The following EIF2AK1 variants were observed in gnomAD, a reference collection of about 807,000 sequenced individuals.
EIF2AK1 encodes eukaryotic translation initiation factor 2-alpha kinase 1.
EIF2AK1 carries 54 observed loss-of-function variants against 77.9 expected under a neutral mutation model. The ratio of observed to expected loss-of-function variants is 0.69; its 90% confidence interval spans 0.56 to 0.87. The LOEUF (loss-of-function observed/expected upper bound fraction) is 0.87, where lower values mean the gene tolerates loss of function less well. EIF2AK1 is among the 40% of genes least tolerant of loss of function. The pLI, the probability that EIF2AK1 is intolerant of heterozygous loss-of-function variation, is 0.00. For synonymous variants in EIF2AK1, 314 were observed against 290.5 expected (o/e 1.08, Z -0.82); for missense variants, 810 against 768.6 (o/e 1.05, Z -0.64).
intron 1 of EIF2AK1, among the ~76,000 whole-genome samples, chr7:6,056,286 C>G (rs1211678594): frequency 2.4e-5 from 2 of 82,056 alleles, no homozygotes; most frequent in Non-Finnish European, 4.5e-5. Flanking sequence ...GTGTGAGACT[C>G]AGTCTCAAAA....
At chr7:6,052,856 G>A (rs1312522962) in intron 2 of EIF2AK1, among the ~76,000 whole-genome samples, 5 of 152,110 alleles carry the variant, frequency 3.3e-5, no homozygotes, top group East Asian at 1.9e-4. Flanking sequence ...CCAGCTACTC[G>A]GGAGGGTGAG....
At chr7:6,030,762 G>T (rs956607234) in intron 11 of EIF2AK1, among the ~76,000 whole-genome samples, 1 of 152,180 alleles carries the variant, frequency 6.6e-6, no homozygotes, top group Non-Finnish European at 1.5e-5. Flanking sequence ...CTCTCAAAGT[G>T]CTGGGATTAC....
In EIF2AK1 at chr7:6,032,175, C is replaced by T. The variant is rs1787931578; in HGVS notation, c.1333-3143G>A. ...TGGATGACAGAGCAAGACTCCATCT[C>T]AAACAAACAAACAAAAAATAGTTTT... On this transcript the variant is annotated intron_variant, in intron 11 of 14. Transcript: ENST00000199389. This position sits in a 1 kb window ranked among gnomAD's most constrained non-coding sequence, Gnocchi z 4.3. Among the ~76,000 whole-genome samples the T allele has an allele frequency of 6.6e-6, 1 of 152,116 alleles. No individual in the cohort carries two copies. The highest frequency in any genetic ancestry group is 1.5e-5 in the Non-Finnish European group (1 of 68,022).
At chr7:6,046,439 T>C (rs889714786) in intron 5 of EIF2AK1, 2 of 199,778 alleles carry the variant, frequency 1.0e-5, no homozygotes, top group African/African-American at 4.6e-5. Flanking sequence ...ACACATTTTT[T>C]AATTAAAATT....
chr7:6,041,682 A>G (rs1206227964), intron 8 of EIF2AK1, among the ~76,000 whole-genome samples: 1 of 152,078 alleles, frequency 6.6e-6, no homozygotes, highest in Admixed American at 6.6e-5. Flanking sequence ...TCTACTAAAA[A>G]ATACAAAAAT....
In EIF2AK1 at chr7:6,024,313, G is replaced by A; in HGVS notation, c.*360C>T. On this transcript the variant is annotated 3_prime_UTR_variant, in exon 15 of 15. Transcript: ENST00000199389. ...GCTGTCAAAACTGGAACAGTCCAGT[G>A]AGTATGTGCAGGCCCGGGCTTGGGC... 1 of 1,219,390 alleles carries A rather than the reference G, an allele frequency of 8.2e-7. No individual in the cohort carries two copies. The highest frequency in any genetic ancestry group is 1.0e-6 in the Non-Finnish European group (1 of 963,530). 75.5% of individuals were successfully genotyped at this position (1,219,390 alleles called of 1,614,324 possible).
chr7:6,024,371 T>A lies in EIF2AK1; in HGVS notation c.*302A>T, dbSNP rs1787677384. ...AGGGCAGGGAGCACACATCAATTTC[T>A]GCGGTACCTTCTAGAGGAAGACCAG... On this transcript the variant is annotated 3_prime_UTR_variant, in exon 15 of 15. Coordinates refer to ENST00000199389, the MANE Select transcript of EIF2AK1 (RefSeq NM_014413.4). 8.9e-7 allele frequency: 1 copy of A among 1,129,618 alleles called. No homozygotes were observed. The highest frequency in any genetic ancestry group is 5.8e-5 in the East Asian group (1 of 17,138). 70.0% of individuals were successfully genotyped at this position (1,129,618 alleles called of 1,614,324 possible). A position where few individuals can be genotyped will look rare whatever the true frequency, so the allele number is the denominator to read the frequency against.
At position 6,023,337 on chromosome 7, in the gene EIF2AK1, G is replaced by A. The variant is rs991294520; in HGVS notation, c.*1336C>T. On this transcript the variant is annotated 3_prime_UTR_variant, in exon 15 of 15. Coordinates refer to ENST00000199389, the MANE Select transcript of EIF2AK1 (RefSeq NM_014413.4). ...CGCAGATGAAATTCAGCATCCAGAC[G>A]ATGTGCCCCATCGAAGGCGAAGGGA... The A allele has an allele frequency of 3.1e-6, 5 of 1,609,216 alleles. No individual in the cohort carries two copies. The highest frequency in any genetic ancestry group is 3.4e-5 in the Admixed American group (2 of 58,678).
chr7:6,044,539 C>T (rs752340718), intron 7 of EIF2AK1, 23 bp downstream of exon 7: 24 of 1,604,146 alleles, frequency 1.5e-5, no homozygotes, highest in Non-Finnish European at 2.0e-5. Context: ...GCTTCAACTA[C>T]CATACCATCA....
At chr7:6,028,350 C>G (rs1431540005) in intron 13 of EIF2AK1, among the ~76,000 whole-genome samples, 2 of 151,786 alleles carry the variant, frequency 1.3e-5, no homozygotes, top group Admixed American at 6.6e-5. Context: ...CTCCCAGATT[C>G]AAATGATTCT....
At chr7:6,024,951 G>T in intron 14 of EIF2AK1, 150 bp from the exon 15 acceptor site, 1 of 522,128 alleles carries the variant, frequency 1.9e-6, no homozygotes, top group South Asian at 3.8e-5. Flanking sequence ...CTATTCTCGT[G>T]CCTCAGCCAC....
chr7:6,058,183 G>A, intron 1 of EIF2AK1: 1 of 455,532 alleles, frequency 2.2e-6, no homozygotes, highest in Non-Finnish European at 4.4e-6. Flanking sequence ...GCCGAGGCGG[G>A]AGAATCGCTT....
rs1787686610 is a variant in EIF2AK1 at position 6,024,675 on chromosome 7, A to C, written c.1891T>G (p.Ter631GlyextTer4). ...TACCTTAAAAGTTAAGTCCACTTTC[A>C]TCCCACGCCCCCATCCTTTCCGTCA... ...RDDGKDGGVG[*>G] is the part of the protein sequence containing the mutation. Residue 631 changes from the stop codon to glycine (G), a stop_lost, in exon 15 of 15, where the codon TGA becomes GGA. Transcript: ENST00000199389. The C allele has an allele frequency of 1.3e-5, 21 of 1,613,732 alleles. No individual in the cohort carries two copies. Among genetic ancestry groups the C allele is most frequent in the Non-Finnish European group, 1.7e-5 (20 of 1,179,930 alleles).
chr7:6,029,136 C>A, intron 11 of EIF2AK1, 104 bp from the exon 12 acceptor site: 1 of 950,064 alleles, frequency 1.1e-6, no homozygotes, highest in East Asian at 2.7e-5. Context: ...AGCAGCCCCT[C>A]AAAAGTTAAA....
chr7:6,053,590 C>T (rs1244789445), intron 2 of EIF2AK1, among the ~76,000 whole-genome samples: 2 of 151,182 alleles, frequency 1.3e-5, no homozygotes, highest in African/African-American at 2.4e-5. Context: ...GTCTCGATCT[C>T]TTGACCTCAT....
At chr7:6,054,820 C>A in intron 1 of EIF2AK1, 116 bp from the exon 2 acceptor site, 1 of 1,091,174 alleles carries the variant, frequency 9.2e-7, no homozygotes, top group Non-Finnish European at 1.3e-6. Flanking sequence ...AGATAAAAAC[C>A]AAAAGAATAG....
intron 2 of EIF2AK1, among the ~76,000 whole-genome samples, chr7:6,050,822 C>A (rs1024102301): frequency 6.6e-6 from 1 of 151,800 alleles, no homozygotes; most frequent in Non-Finnish European, 1.5e-5. Flanking sequence ...CCAGGATGGT[C>A]TCGATCTCCT....
In EIF2AK1 at chr7:6,035,676, G is replaced by A. The variant is rs990700529; in HGVS notation, c.1332+1748C>T. Reference sequence around the variant, plus strand: ...GGCCATAGCATATGGTTGCTATCCAGTTCTCTCCATTTTGACCCAAAATGG... The same window carrying A: ...GGCCATAGCATATGGTTGCTATCCAATTCTCTCCATTTTGACCCAAAATGG... On this transcript the variant is annotated intron_variant, in intron 11 of 14. Transcript: ENST00000199389. The surrounding 1 kb of genome is among the most constrained non-coding windows in gnomAD (Gnocchi z 5.5). 1.3e-6 allele frequency: 2 copies of A among 1,550,466 alleles called. No individual in the cohort carries two copies. The highest frequency in any genetic ancestry group is 1.4e-5 in the African/African-American group (1 of 73,010).
At chr7:6,047,917 C>T (rs984419034) in intron 4 of EIF2AK1, 6 of 152,242 alleles carry the variant, frequency 3.9e-5, no homozygotes, top group Non-Finnish European at 5.9e-5. Context: ...TTAATGTGGA[C>T]ACCAGACTGG....
Sources: allele counts gnomAD v4.1 joint callset (sites outside exome capture counted in the v4.1 genomes callset), GRCh38; gene constraint gnomAD v4.1.1; non-coding constraint Gnocchi (gnomAD v3.1); transcripts MANE v1.5; gene names NCBI Gene and HGNC (gene_info 2026-07-23, HGNC 2026-07-21).